Variants in TRIO observed in about 807,000 individuals in gnomAD.
TRIO encodes the protein triple functional domain protein.
In TRIO, 58 loss-of-function variants were observed where a neutral mutation model predicts 351.9. The observed-to-expected ratio is 0.16, with a 90% CI of 0.13 to 0.21. The LOEUF (loss-of-function observed/expected upper bound fraction) is 0.21. Ranked by LOEUF, TRIO falls within the 10% of genes least tolerant of loss-of-function variation. The pLI, the probability that TRIO is intolerant of heterozygous loss-of-function variation, is 1.00. For missense variants in TRIO, 3,201 were observed against 4,027.8 expected (o/e 0.79, Z 5.56); for synonymous variants, 1,758 against 1,595.7 (o/e 1.10, Z -2.42).
At chr5:14,168,069 A>C (rs1164500021) in intron 1 of TRIO, among the ~76,000 whole-genome samples, 1 of 152,230 alleles carries the variant, frequency 6.6e-6, no homozygotes, top group African/African-American at 2.4e-5. Flanking sequence ...ACTCTTAAGA[A>C]TGTTACTAAT....
chr5:14,461,931 T>C (rs1480348692), intron 35 of TRIO, among the ~76,000 whole-genome samples: 1 of 152,260 alleles, frequency 6.6e-6, no homozygotes, highest in Admixed American at 6.5e-5. Flanking sequence ...CAGAGATTTT[T>C]TATGTCCTAT....
At chr5:14,339,589 T>C (rs1323591648) in intron 11 of TRIO, among the ~76,000 whole-genome samples, 2 of 152,180 alleles carry the variant, frequency 1.3e-5, no homozygotes, top group Admixed American at 6.5e-5. Flanking sequence ...ACCATCTTAC[T>C]TGTGTGCACG....
intron 53 of TRIO, among the ~76,000 whole-genome samples, chr5:14,501,094 A>G (rs1757266998): frequency 6.6e-6 from 1 of 151,784 alleles, no homozygotes; most frequent in African/African-American, 2.4e-5. Flanking sequence ...AAAAAACACC[A>G]AGCCCTTTCA....
intron 37 of TRIO, among the ~76,000 whole-genome samples, chr5:14,467,588 G>A (rs371214131): frequency 3.7e-4 from 57 of 152,300 alleles, no homozygotes; most frequent in African/African-American, 1.3e-3. Flanking sequence ...GGCCAAGGCA[G>A]GCATATTGCT....
chr5:14,177,224 A>AGGATTTCTCTCTCCATT (rs1789461549), intron 1 of TRIO, among the ~76,000 whole-genome samples: 1 of 151,780 alleles, frequency 6.6e-6, no homozygotes, highest in African/African-American at 2.4e-5. Context: ...ACGTGAGAAA[A>AGGATTTCTCTCTCCATT]CTCTTACAAG....
chr5:14,274,036 T>G (rs1210046166), intron 2 of TRIO, among the ~76,000 whole-genome samples: 1 of 152,158 alleles, frequency 6.6e-6, no homozygotes, highest in Non-Finnish European at 1.5e-5. Flanking sequence ...TATTTAGTAT[T>G]TATCTCTTAA....
At chr5:14,180,073 C>T (rs1011772948) in intron 1 of TRIO, among the ~76,000 whole-genome samples, 2 of 114,494 alleles carry the variant, frequency 1.7e-5, no homozygotes, top group African/African-American at 3.5e-5. Context: ...TGCACTCCAG[C>T]TTGGGTGACA....
chr5:14,364,546 G>A, intron 14 of TRIO, 104 bp from the exon 15 acceptor site: 2 of 1,415,710 alleles, frequency 1.4e-6, no homozygotes, highest in African/African-American at 1.4e-5. Context: ...TTGGCCCCCA[G>A]CTGGGCAGAT....
At chr5:14,443,816 G>A (rs1180444890) in intron 34 of TRIO, among the ~76,000 whole-genome samples, 1 of 152,248 alleles carries the variant, frequency 6.6e-6, no homozygotes, top group African/African-American at 2.4e-5. Context: ...AGAAGGTAAG[G>A]TCAAGAAGAA....
At chr5:14,278,524 G>A (rs1389545829) in intron 2 of TRIO, among the ~76,000 whole-genome samples, 1 of 152,214 alleles carries the variant, frequency 6.6e-6, no homozygotes, top group African/African-American at 2.4e-5. Context: ...TGAGGGGAAT[G>A]TTTTAATTTA....
At chr5:14,249,164 A>G (rs1794605072) in intron 1 of TRIO, among the ~76,000 whole-genome samples, 1 of 152,268 alleles carries the variant, frequency 6.6e-6, no homozygotes, top group South Asian at 2.1e-4. Context: ...GAAGGAAAAC[A>G]GTGGAAATGT....
At chr5:14,174,615 C>A (rs1335734986) in intron 1 of TRIO, among the ~76,000 whole-genome samples, 1 of 152,178 alleles carries the variant, frequency 6.6e-6, no homozygotes, top group East Asian at 1.9e-4. Context: ...GGGCCTGAAC[C>A]CTTGCCCCAA....
intron 1 of TRIO, among the ~76,000 whole-genome samples, chr5:14,239,095 GT>G (rs1037188014): frequency 6.6e-6 from 1 of 152,084 alleles, no homozygotes; most frequent in Non-Finnish European, 1.5e-5. Flanking sequence ...TGCCCAGGGT[GT>G]TTTTTATATG....
chr5:14,198,548 G>C (rs1213350290), intron 1 of TRIO, among the ~76,000 whole-genome samples: 1 of 152,210 alleles, frequency 6.6e-6, no homozygotes, highest in Non-Finnish European at 1.5e-5. Flanking sequence ...ATATGGAACT[G>C]CAATGATGGG....
intron 1 of TRIO, among the ~76,000 whole-genome samples, chr5:14,189,640 T>A (rs1232987344): frequency 6.6e-6 from 1 of 152,262 alleles, no homozygotes; most frequent in East Asian, 1.9e-4. Context: ...TAGTACTGTT[T>A]CTGCCAGTCT....
intron 33 of TRIO, among the ~76,000 whole-genome samples, chr5:14,414,291 G>A (rs1749455576): frequency 6.6e-6 from 1 of 152,248 alleles, no homozygotes; most frequent in Non-Finnish European, 1.5e-5. Flanking sequence ...AGAGTACAAT[G>A]TTGGTCCAGG....
chr5:14,278,638 A>G (rs1735740394), intron 2 of TRIO, among the ~76,000 whole-genome samples: 1 of 152,230 alleles, frequency 6.6e-6, no homozygotes, highest in African/African-American at 2.4e-5. Context: ...CATGAAAGCT[A>G]TTGGGAAACG....
intron 1 of TRIO, among the ~76,000 whole-genome samples, chr5:14,174,573 G>A (rs1351076002): frequency 6.6e-6 from 1 of 152,138 alleles, no homozygotes; most frequent in Non-Finnish European, 1.5e-5. Context: ...GTCAGCAGTC[G>A]TCAGGGTCGT....
At chr5:14,251,524 G>A (rs1794745623) in intron 1 of TRIO, among the ~76,000 whole-genome samples, 1 of 152,236 alleles carries the variant, frequency 6.6e-6, no homozygotes, top group South Asian at 2.1e-4. Flanking sequence ...CTGGGCCTGT[G>A]CATCTGTTCC....
Sources: gnomAD v4.1 joint callset for allele counts (sites outside exome capture counted in the v4.1 genomes callset) on GRCh38, gnomAD v4.1.1 for gene constraint, MANE v1.5 for transcripts, NCBI Gene and HGNC (gene_info 2026-07-23, HGNC 2026-07-21) for gene names.